The following PEX1 variants were observed in gnomAD, a reference collection of about 807,000 sequenced individuals.
PEX1 encodes the protein peroxisomal biogenesis factor 1, also known as peroxisomal ATPase PEX1.
A neutral mutation model predicts 152.5 loss-of-function variants in PEX1; 97 were observed. That is an observed-to-expected ratio of 0.64 (90% CI 0.54 to 0.75). The LOEUF (loss-of-function observed/expected upper bound fraction) is 0.75. PEX1 is among the 30% of genes least tolerant of loss of function. The pLI, the probability that PEX1 is intolerant of heterozygous loss-of-function variation, is 0.00. For synonymous variants in PEX1, 485 were observed against 531.6 expected (o/e 0.91, Z 1.21); for missense variants, 1,357 against 1,516.3 (o/e 0.89, Z 1.74).
intron 16 of PEX1, among the ~76,000 whole-genome samples, chr7:92,498,969 C>T (rs1044536904): frequency 6.6e-6 from 1 of 152,186 alleles, no homozygotes; most frequent in Non-Finnish European, 1.5e-5. Context: ...ATAAGCCCTA[C>T]AAGAGAGAGG....
intron 11 of PEX1, among the ~76,000 whole-genome samples, chr7:92,505,695 G>T (rs1199770245): frequency 1.3e-5 from 2 of 152,120 alleles, no homozygotes; most frequent in East Asian, 1.9e-4. Flanking sequence ...CAAAGAACAG[G>T]AAATACACAA....
chr7:92,525,590 G>A (rs1378381762), intron 1 of PEX1, among the ~76,000 whole-genome samples: 2 of 152,162 alleles, frequency 1.3e-5, no homozygotes, highest in Non-Finnish European at 2.9e-5. Context: ...TCACAGATAG[G>A]GGGAGGCAGT....
In PEX1 at chr7:92,487,353, T is replaced by G. The variant is rs1169710333; in HGVS notation, c.*104A>C. The G allele has an allele frequency of 7.5e-6, 5 of 666,288 alleles. No individual in the cohort carries two copies. The highest frequency in any genetic ancestry group is 1.8e-5 in the African/African-American group (1 of 55,202). The allele number at this position is 666,288 out of a possible 1,614,324, so 41.3% of individuals were successfully genotyped here. On this transcript the variant is annotated 3_prime_UTR_variant, in exon 24 of 24. Transcript: ENST00000248633. ...CTGTGATTTTATAAATTAACCAAAT[T>G]TGTTAAATTAAGAAGAAATTCATAG...
At chr7:92,495,032 TTAA>T (rs1791583195) in intron 17 of PEX1, among the ~76,000 whole-genome samples, 1 of 152,028 alleles carries the variant, frequency 6.6e-6, no homozygotes, top group African/African-American at 2.4e-5. Flanking sequence ...CATTTTTATA[TTAA>T]TATATACTTA....
chr7:92,522,039 T>C (rs1047855400), intron 2 of PEX1, 63 bp downstream of exon 2: 52 of 1,541,854 alleles, frequency 3.4e-5, no homozygotes, highest in Admixed American at 1.5e-4. Flanking sequence ...AAACTTTTAA[T>C]TTTATTTCTA....
At chr7:92,496,059 T>C (rs1214831182) in intron 17 of PEX1, among the ~76,000 whole-genome samples, 4 of 152,136 alleles carry the variant, frequency 2.6e-5, no homozygotes, top group African/African-American at 9.6e-5. Flanking sequence ...TTATTTTGTT[T>C]ATGCTTTTTC....
Position 92,517,424 on chromosome 7 carries a change from G to T in PEX1, c.1091C>A (p.Pro364Gln). 1 of 1,613,598 alleles carries T rather than the reference G, an allele frequency of 6.2e-7. No homozygotes were observed. Among genetic ancestry groups the T allele is most frequent in the Non-Finnish European group, 8.5e-7 (1 of 1,179,934 alleles). The change falls in exon 5 of 24, where the codon CCA becomes CAA. Residue 364 changes from proline to glutamine, a missense_variant. By Grantham distance (76) the Pro-to-Gln change is moderately conservative. Coordinates refer to ENST00000248633, the MANE Select transcript of PEX1 (RefSeq NM_000466.3). ...TGACCTAATTTTTTTTTGATCTAGT[G>T]GCTCTGACATCTGCTTCTCTTTTTC... Reference protein sequence around the residue: ...SPEKEKQMSEPLDQKKIRSDH... With the variant: ...SPEKEKQMSEQLDQKKIRSDH...
intron 3 of PEX1, 68 bp from the exon 4 acceptor site, chr7:92,518,323 AT>A (rs1231151991): frequency 5.9e-6 from 6 of 1,011,360 alleles, no homozygotes; most frequent in Admixed American, 5.3e-5. Context: ...GTTAAAAAAA[AT>A]CTCAATTCTT....
At chr7:92,503,278 A>C (rs1792023961) in intron 12 of PEX1, 83 bp from the exon 13 acceptor site, 4 of 1,225,194 alleles carry the variant, frequency 3.3e-6, no homozygotes. Context: ...AAATAATGAT[A>C]CTCTAAGGTT....
At chr7:92,499,895 AAGT>A in intron 15 of PEX1, 57 bp from the exon 16 acceptor site, 3 of 1,408,206 alleles carry the variant, frequency 2.1e-6, no homozygotes, top group Non-Finnish European at 2.0e-6. Flanking sequence ...AGAAATGACT[AAGT>A]AGCAGCTAAA....
intron 23 of PEX1, 133 bp from the exon 24 acceptor site, chr7:92,487,674 G>A (rs1791006230): frequency 4.3e-6 from 2 of 466,072 alleles, no homozygotes; most frequent in South Asian, 4.4e-5. Flanking sequence ...AAAAATTCCA[G>A]TCACAGAAAT....
intron 19 of PEX1, chr7:92,493,339 TCAAA>T: frequency 5.7e-6 from 2 of 353,876 alleles, no homozygotes; most frequent in South Asian, 9.5e-5. Context: ...TGAATGAAAA[TCAAA>T]CACTCTTAAG....
chr7:92,503,067 C>A lies in PEX1; in HGVS notation c.2200G>T (p.Val734Phe). ...SAQGVHIFQC[V>F]QHIQPPNQEQ... The stretch of plus-strand genomic sequence containing the variant: ...TGATTAGGAGGCTGAATGTGTTGGA[C>A]GCACTGAAATATGTGAACTCCTTGA... The change falls in exon 13 of 24, where the codon GTC becomes TTC. Residue 734 changes from valine to phenylalanine, a missense_variant. Transcript: ENST00000248633. The A allele has an allele frequency of 6.2e-7, 1 of 1,613,440 alleles. No individual in the cohort carries two copies. Among genetic ancestry groups the A allele is most frequent in the Non-Finnish European group, 8.5e-7 (1 of 1,179,530 alleles).
intron 19 of PEX1, chr7:92,493,883 C>A (rs1368132148): frequency 4.8e-6 from 1 of 208,142 alleles, no homozygotes; most frequent in Non-Finnish European, 9.8e-6. Flanking sequence ...AGAGTTGGAA[C>A]AACACAGGAC....
At position 92,519,887 on chromosome 7, in the gene PEX1, T is replaced by C. The variant is rs139591825; in HGVS notation, c.274-809A>G. Among the ~76,000 whole-genome samples, 223 of 152,278 alleles carry C rather than the reference T, an allele frequency of 1.5e-3. 1 individual carries two copies. The highest frequency in any genetic ancestry group is 5.0e-3 in the African/African-American group (208 of 41,552). ...AGGAGTAAAATCCAAAGCCTCTGCATGTTAAATACTCTAGGTAACCAACCC... is the reference window on the plus strand; with the variant it reads ...AGGAGTAAAATCCAAAGCCTCTGCACGTTAAATACTCTAGGTAACCAACCC... On this transcript the variant is annotated intron_variant, in intron 2 of 23. Coordinates refer to ENST00000248633, the MANE Select transcript of PEX1 (RefSeq NM_000466.3).
At chr7:92,507,274 T>G (rs1306003881) in intron 9 of PEX1, 148 bp from the exon 10 acceptor site, 1 of 661,734 alleles carries the variant, frequency 1.5e-6, no homozygotes, top group Non-Finnish European at 2.5e-6. Flanking sequence ...GGGCTTGCTG[T>G]GTCATCCAGG....
chr7:92,512,154 T>C (rs976162481), intron 6 of PEX1, among the ~76,000 whole-genome samples: 7 of 151,548 alleles, frequency 4.6e-5, no homozygotes, highest in Admixed American at 2.0e-4. Flanking sequence ...TGCCTCAGGC[T>C]CCCAAGTAGC....
At chr7:92,503,980 T>A (rs1015620634) in intron 12 of PEX1, among the ~76,000 whole-genome samples, 2 of 152,110 alleles carry the variant, frequency 1.3e-5, no homozygotes, top group Admixed American at 6.6e-5. Context: ...CCCCAACATA[T>A]CATTACTTCC....
At position 92,518,095 on chromosome 7, in the gene PEX1, A is replaced by G. The variant is rs185192121; in HGVS notation, c.472+46T>C. ...CACATTCATTTCTACTTTGGACTCA[A>G]TGCTATAGTGTAGAATATGACAGCA... On this transcript the variant is annotated intron_variant, in intron 4 of 23. Coordinates refer to ENST00000248633, the MANE Select transcript of PEX1 (RefSeq NM_000466.3). 3,147 of 1,607,940 alleles carry G rather than the reference A, an allele frequency of 2.0e-3. 6 individuals carry two copies. Among genetic ancestry groups the G allele is most frequent in the Non-Finnish European group, 2.2e-3 (2,591 of 1,174,394 alleles).
Sources: gnomAD v4.1 joint callset for allele counts (sites outside exome capture counted in the v4.1 genomes callset) on GRCh38, gnomAD v4.1.1 for gene constraint, MANE v1.5 for transcripts, NCBI Gene and HGNC (gene_info 2026-07-23, HGNC 2026-07-21) for gene names.